RFTN1: variants seen among roughly 807,000 people sequenced by gnomAD.
RFTN1 encodes raftlin.
RFTN1 carries 26 observed loss-of-function variants against 46.5 expected under a neutral mutation model. That is an observed-to-expected ratio of 0.56 (90% CI 0.41 to 0.78). The LOEUF (loss-of-function observed/expected upper bound fraction) is 0.78. RFTN1 is among the 30% of genes least tolerant of loss of function. RFTN1 has a pLI of 0.00. For synonymous variants in RFTN1, 261 were observed against 284.2 expected (o/e 0.92, Z 0.82); for missense variants, 693 against 718.7 (o/e 0.96, Z 0.41).
At position 16,342,018 on chromosome 3, in the gene RFTN1, GT is replaced by G; in HGVS notation, c.1147-15143del. 6.6e-6 allele frequency among the ~76,000 whole-genome samples: 1 copy of G among 152,074 alleles called. No homozygotes were observed. The highest frequency in any genetic ancestry group is 1.9e-4 in the East Asian group (1 of 5,202). ...TCTAAATTATCTTTAATGACCACTT[GT>G]CACTTTTTTCAACATCTTTATTGAT... On this transcript the variant is annotated intron_variant, in intron 7 of 9. Coordinates refer to ENST00000334133, the MANE Select transcript of RFTN1 (RefSeq NM_015150.2). The surrounding 1 kb of genome is among the most constrained non-coding windows in gnomAD (Gnocchi z 4.0).
In RFTN1 at chr3:16,443,463, T is replaced by C. The variant is rs60656020; in HGVS notation, c.146-9426A>G. On this transcript the variant is annotated intron_variant, in intron 2 of 9. Coordinates refer to ENST00000334133, the MANE Select transcript of RFTN1 (RefSeq NM_015150.2). The surrounding 1 kb of genome is among the most constrained non-coding windows in gnomAD (Gnocchi z 5.5). ...CTATTGAGCTGAATGAGTTCTGAAA[T>C]ACTATTCTTAATACCTTAATTAAAC... Among the ~76,000 whole-genome samples, 19,043 of 152,142 alleles carry C rather than the reference T, an allele frequency of 0.13. 1,400 individuals carry two copies. The highest frequency in any genetic ancestry group is 0.18 in the African/African-American group (7,564 of 41,480).
intron 6 of RFTN1, among the ~76,000 whole-genome samples, chr3:16,358,457 TA>T (rs2072611583): frequency 6.6e-6 from 1 of 151,696 alleles, no homozygotes; most frequent in Non-Finnish European, 1.5e-5. Flanking sequence ...TCTTTTTTTT[TA>T]AAGGGAAGAG....
intron 8 of RFTN1, 79 bp from the exon 9 acceptor site, chr3:16,323,536 A>C (rs2069326331): frequency 3.0e-6 from 3 of 1,002,710 alleles, no homozygotes; most frequent in Non-Finnish European, 4.7e-6. Flanking sequence ...TGCCATCCCT[A>C]ATTTCATCAA....
intron 4 of RFTN1, among the ~76,000 whole-genome samples, chr3:16,386,435 A>G (rs544846540): frequency 1.4e-3 from 220 of 152,362 alleles, no homozygotes; most frequent in African/African-American, 5.0e-3. Context: ...TACAGATTAG[A>G]GAACTGAGGC....
At position 16,507,599 on chromosome 3, in the gene RFTN1, A is replaced by AAC. The variant is rs35848042; in HGVS notation, c.-9+5841_-9+5842dup. Among the ~76,000 whole-genome samples the AAC allele has an allele frequency of 6.0e-3, 852 of 142,698 alleles. 3 individuals are homozygous for AAC. Among genetic ancestry groups the AAC allele is most frequent in the Non-Finnish European group, 5.3e-3 (340 of 64,410 alleles). The allele number at this position is 142,698 out of a possible 152,430, so 93.6% of individuals were successfully genotyped here. On this transcript the variant is annotated intron_variant, in intron 1 of 9. Transcript: ENST00000334133. This position sits in a 1 kb window ranked among gnomAD's most constrained non-coding sequence, Gnocchi z 7.1. ...TAAAAGGCAAAGTAGGGAGTTTCAA[A>AAC]ACACACACACACACACACACACATA...
At position 16,315,987 on chromosome 3, in the gene RFTN1, G is replaced by A. The variant is rs6900; in HGVS notation, c.*841C>T. On this transcript the variant is annotated 3_prime_UTR_variant, in exon 10 of 10. Coordinates refer to ENST00000334133, the MANE Select transcript of RFTN1 (RefSeq NM_015150.2). ...TCTACCTAAAGCCTTAATACTTTCTGGACGATATACACATGATAAACACAG... is the reference window on the plus strand; with the variant it reads ...TCTACCTAAAGCCTTAATACTTTCTAGACGATATACACATGATAAACACAG... 0.13 allele frequency: 20,397 copies of A among 152,202 alleles called. 1,454 individuals are homozygous for A. The highest frequency in any genetic ancestry group is 0.16 in the Middle Eastern group (48 of 294). 9.4% of individuals were successfully genotyped at this position (152,202 alleles called of 1,614,324 possible). A position where few individuals can be genotyped will look rare whatever the true frequency, so the allele number is the denominator to read the frequency against.
At chr3:16,478,171 G>A (rs1362469463) in intron 2 of RFTN1, among the ~76,000 whole-genome samples, 1 of 152,144 alleles carries the variant, frequency 6.6e-6, no homozygotes, top group Admixed American at 6.5e-5. Context: ...GAGCTTCCTG[G>A]GGGAGTTTAA....
Position 16,329,866 on chromosome 3 carries a change from C to T in RFTN1, c.1147-2990G>A, listed in dbSNP as rs949194813. Among the ~76,000 whole-genome samples the T allele has an allele frequency of 3.9e-5, 6 of 152,096 alleles. No individual in the cohort carries two copies. The highest frequency in any genetic ancestry group is 1.4e-4 in the African/African-American group (6 of 41,404). ...AAGCCCTGAGTGGCAGAATGGAGTC[C>T]TTTTATTGGTGGCTGCATCTCGGGC... On this transcript the variant is annotated intron_variant, in intron 7 of 9. Transcript: ENST00000334133. This position sits in a 1 kb window ranked among gnomAD's most constrained non-coding sequence, Gnocchi z 4.5.
At position 16,316,608 on chromosome 3, in the gene RFTN1, A is replaced by G; in HGVS notation, c.*220T>C. 1 of 635,848 alleles carries G rather than the reference A, an allele frequency of 1.6e-6. No individual in the cohort carries two copies. The highest frequency in any genetic ancestry group is 2.8e-6 in the Non-Finnish European group (1 of 358,436). The allele number at this position is 635,848 out of a possible 1,614,324, so 39.4% of individuals were successfully genotyped here. On this transcript the variant is annotated 3_prime_UTR_variant, in exon 10 of 10. Coordinates refer to ENST00000334133, the MANE Select transcript of RFTN1 (RefSeq NM_015150.2). The surrounding 1 kb of genome is among the most constrained non-coding windows in gnomAD (Gnocchi z 4.5). The stretch of plus-strand genomic sequence containing the variant: ...AGAATAACCTGACCTCTTGCATTCT[A>G]ACACTGGGTCATTAATGACACCTTT...
intron 6 of RFTN1, among the ~76,000 whole-genome samples, chr3:16,367,284 ATTT>A (rs74548709): frequency 0.16 from 22,354 of 142,846 alleles, 2,112 homozygotes; most frequent in Admixed American, 0.24. Context: ...TTAGCTTGCC[ATTT>A]TTTTTCTTAA....
intron 6 of RFTN1, among the ~76,000 whole-genome samples, chr3:16,369,164 C>T (rs2125359051): frequency 6.6e-6 from 1 of 152,360 alleles, no homozygotes; most frequent in South Asian, 2.1e-4. Flanking sequence ...TCAGAATGGT[C>T]TCTATTCTCA....
rs2073931984 is a variant in RFTN1, at chr3:16,380,036, C to G, written c.442-1934G>C. ...TACTCTCTTACTGCAGAGGAAACAG[C>G]TATGACTTCTGAAGCATTTTAATAA... On this transcript the variant is annotated intron_variant, in intron 4 of 9. Transcript: ENST00000334133. This position sits in a 1 kb window ranked among gnomAD's most constrained non-coding sequence, Gnocchi z 4.8. Among the ~76,000 whole-genome samples the G allele has an allele frequency of 6.6e-6, 1 of 152,206 alleles. No homozygotes were observed. Among genetic ancestry groups the G allele is most frequent in the Non-Finnish European group, 1.5e-5 (1 of 68,042 alleles).
rs1430049185 is a variant in RFTN1 at position 16,421,498 on chromosome 3, C to T, written c.333-12015G>A. ...CCCGGAGTAGCTGGGACTACAGGTG[C>T]ATGCCACCATGCCCAGCTAATTTTT... On this transcript the variant is annotated intron_variant, in intron 3 of 9. Transcript: ENST00000334133. This position sits in a 1 kb window ranked among gnomAD's most constrained non-coding sequence, Gnocchi z 4.6. Among the ~76,000 whole-genome samples the T allele has an allele frequency of 6.6e-6, 1 of 152,076 alleles. No individual in the cohort carries two copies. The highest frequency in any genetic ancestry group is 1.5e-5 in the Non-Finnish European group (1 of 68,016).
chr3:16,367,586 G>A (rs964577696), intron 6 of RFTN1, among the ~76,000 whole-genome samples: 4 of 152,278 alleles, frequency 2.6e-5, no homozygotes, highest in Admixed American at 6.5e-5. Context: ...TCACGGTTGC[G>A]CTTGCCAGGG....
At chr3:16,323,287 A>T in intron 9 of RFTN1, 89 bp downstream of exon 9, 1 of 942,276 alleles carries the variant, frequency 1.1e-6, no homozygotes, top group Non-Finnish European at 1.7e-6. Context: ...TGGAAGCTGG[A>T]GCAGGCTGCC....
chr3:16,406,039 C>A (rs1226743962), intron 4 of RFTN1, among the ~76,000 whole-genome samples: 3 of 152,074 alleles, frequency 2.0e-5, no homozygotes, highest in African/African-American at 4.8e-5. Context: ...GTGAAAAAAA[C>A]CACAAATGGT....
chr3:16,462,302 T>C (rs2076019632), intron 2 of RFTN1, among the ~76,000 whole-genome samples: 1 of 152,236 alleles, frequency 6.6e-6, no homozygotes, highest in Admixed American at 6.5e-5. Flanking sequence ...GCCCGTACTA[T>C]TATTATTCTT....
rs370820242 is a variant in RFTN1, at chr3:16,345,788, CTGTGTGTGTGTGTGTGTG to C, written c.1146+12126_1146+12143del. Among the ~76,000 whole-genome samples, 1 of 127,174 alleles carries C rather than the reference CTGTGTGTGTGTGTGTGTG, an allele frequency of 7.9e-6. No homozygotes were observed. The highest frequency in any genetic ancestry group is 3.0e-5 in the African/African-American group (1 of 33,030). The allele number at this position is 127,174 out of a possible 152,430, so 83.4% of individuals were successfully genotyped here. On this transcript the variant is annotated intron_variant, in intron 7 of 9. Transcript: ENST00000334133. This position sits in a 1 kb window ranked among gnomAD's most constrained non-coding sequence, Gnocchi z 5.2. ...TGAGCCAAAACCTTATAATAAATCTCTGTGTGTGTGTGTGTGTGTGTGTGTGTGTGCGCGCGCGCGTGC... is the reference window on the plus strand; with the variant it reads ...TGAGCCAAAACCTTATAATAAATCTCTGTGTGTGTGTGCGCGCGCGCGTGC...
Position 16,374,359 on chromosome 3 carries a change from C to G in RFTN1, c.826+3359G>C, listed in dbSNP as rs1366940374. Among the ~76,000 whole-genome samples the G allele has an allele frequency of 6.6e-6, 1 of 152,148 alleles. No individual in the cohort carries two copies. Among genetic ancestry groups the G allele is most frequent in the Non-Finnish European group, 1.5e-5 (1 of 68,026 alleles). On this transcript the variant is annotated intron_variant, in intron 5 of 9. Transcript: ENST00000334133. The surrounding 1 kb of genome is among the most constrained non-coding windows in gnomAD (Gnocchi z 5.4). ...AGCTCAATAGCTGTTTGTTAATGGACTGAGTAAAAGGCCAGAAAGATGGCG... is the reference window on the plus strand; with the variant it reads ...AGCTCAATAGCTGTTTGTTAATGGAGTGAGTAAAAGGCCAGAAAGATGGCG...
Sources: allele counts gnomAD v4.1 joint callset (sites outside exome capture counted in the v4.1 genomes callset), GRCh38; gene constraint gnomAD v4.1.1; non-coding constraint Gnocchi (gnomAD v3.1); transcripts MANE v1.5; gene names NCBI Gene and HGNC (gene_info 2026-07-23, HGNC 2026-07-21).